Variants in APC observed in about 807,000 individuals in gnomAD.
APC encodes the protein adenomatous polyposis coli protein.
In APC, 72 loss-of-function variants were observed where a neutral mutation model predicts 247.0. The ratio of observed to expected loss-of-function variants is 0.29; its 90% CI spans 0.24 to 0.35. APC has a LOEUF of 0.35. Among genes scored for constraint, APC ranks in the 10% least tolerant of loss-of-function variants. APC has a pLI of 1.00. For synonymous variants in APC, 1,254 were observed against 1,162.5 expected (o/e 1.08, Z -1.60); for missense variants, 3,400 against 3,360.7 (o/e 1.01, Z -0.29).
At chr5:112,779,587 G>A (rs1472744066) in intron 5 of APC, among the ~76,000 whole-genome samples, 4 of 151,996 alleles carry the variant, frequency 2.6e-5, no homozygotes, top group African/African-American at 9.7e-5. Flanking sequence ...AACACTTTAT[G>A]TGGAAATACC....
In APC at chr5:112,819,272, C is replaced by T. The variant is rs137854567; in HGVS notation, c.1240C>T (p.Arg414Cys). 1,124 of 1,614,024 alleles carry T rather than the reference C, an allele frequency of 7.0e-4. 1 individual carries two copies. The highest frequency in any genetic ancestry group is 8.1e-4 in the Non-Finnish European group (952 of 1,179,966). ...IRVLHLLEQI[R>C]AYCETCWEWQ... ...AGTCCTTCATCTTTTGGAACAGATA[C>T]GCGCTTACTGTGAAACCTGTTGGGA... is the stretch of plus-strand genomic sequence containing the variant. The change falls in exon 10 of 16, where the codon CGC becomes TGC. Residue 414 changes from arginine to cysteine, a missense_variant. Arg to Cys is a radical substitution (Grantham distance 180, BLOSUM62 -3). Transcript: ENST00000257430.
chr5:112,768,591 T>C lies in APC; in HGVS notation c.422+1201T>C, dbSNP rs1471109597. 3.3e-5 allele frequency among the ~76,000 whole-genome samples: 5 copies of C among 152,010 alleles called. No homozygotes were observed. The East Asian group carries it at 9.6e-4, about 29-fold the overall frequency. Reference sequence around the variant, plus strand: ...CATAGTGATGTTTCTACACATATAATTTATTGCAATCAGGTTAGCATATCT... The same window carrying C: ...CATAGTGATGTTTCTACACATATAACTTATTGCAATCAGGTTAGCATATCT... On this transcript the variant is annotated intron_variant, in intron 4 of 15. Transcript: ENST00000257430.
intron 11 of APC, among the ~76,000 whole-genome samples, chr5:112,824,842 T>G (rs914810314): frequency 2.6e-5 from 4 of 152,168 alleles, no homozygotes; most frequent in African/African-American, 9.6e-5. Flanking sequence ...TTTACCCAAG[T>G]GTAAAATGGT....
chr5:112,795,893 A>G (rs566367130), intron 7 of APC, among the ~76,000 whole-genome samples: 2 of 152,334 alleles, frequency 1.3e-5, no homozygotes, highest in Admixed American at 6.5e-5. Flanking sequence ...CAGAGTAAAG[A>G]TGAAGGGACA....
chr5:112,737,707 G>T (rs1752486469), upstream of APC, among the ~76,000 whole-genome samples: 1 of 152,258 alleles, frequency 6.6e-6, no homozygotes, highest in Non-Finnish European at 1.5e-5. Flanking sequence ...TGTGCGGTTG[G>T]GCGGGGCCCT....
At chr5:112,744,954 T>C (rs1427162798) in intron 1 of APC, among the ~76,000 whole-genome samples, 1 of 152,170 alleles carries the variant, frequency 6.6e-6, no homozygotes, top group Non-Finnish European at 1.5e-5. Context: ...TTTTCTTAAC[T>C]CAAAAATGAG....
At chr5:112,794,996 A>C (rs1036428836) in intron 7 of APC, among the ~76,000 whole-genome samples, 2 of 152,188 alleles carry the variant, frequency 1.3e-5, no homozygotes, top group Non-Finnish European at 2.9e-5. Context: ...AGTGGAATCT[A>C]GGCATGTCAC....
chr5:112,800,605 G>A (rs578059807), intron 7 of APC, among the ~76,000 whole-genome samples: 4 of 152,008 alleles, frequency 2.6e-5, no homozygotes, highest in South Asian at 2.1e-4. Context: ...ATAAATGACC[G>A]TGAGAAATTC....
At chr5:112,718,506 C>T (rs1751304069) in intron 1 of APC, among the ~76,000 whole-genome samples, 1 of 152,230 alleles carries the variant, frequency 6.6e-6, no homozygotes, top group Non-Finnish European at 1.5e-5. Flanking sequence ...GCAGTCCTCA[C>T]CCTTGGTGGG....
intron 15 of APC, among the ~76,000 whole-genome samples, chr5:112,837,094 T>A (rs1210457102): frequency 2.6e-5 from 4 of 152,230 alleles, no homozygotes; most frequent in African/African-American, 9.7e-5. Context: ...TAAGAGCTTA[T>A]AATGTGCACT....
At chr5:112,808,069 C>G (rs1761602152) in intron 8 of APC, among the ~76,000 whole-genome samples, 1 of 152,162 alleles carries the variant, frequency 6.6e-6, no homozygotes, top group Non-Finnish European at 1.5e-5. Context: ...GCAGGAGAAT[C>G]ACTTGAATCC....
chr5:112,710,143 A>G (rs1750767585), intron 1 of APC, among the ~76,000 whole-genome samples: 1 of 152,194 alleles, frequency 6.6e-6, no homozygotes, highest in Admixed American at 6.5e-5. Context: ...CTAGTCCCCA[A>G]TCCTAAATAA....
At position 112,838,206 on chromosome 5, in the gene APC, G is replaced by A. The variant is rs948419955; in HGVS notation, c.2612G>A (p.Gly871Glu). The part of the protein sequence containing the change: ...GNYHPATENP[G>E]TSSKRGLQIS... ...TACCATCCAGCAACAGAAAATCCAG[G>A]AACTTCTTCAAAGCGAGGTTTGCAG... The change falls in exon 16 of 16, where the codon GGA (glycine) becomes GAA (glutamate). Residue 871 changes from glycine to glutamate, a missense_variant. This residue lies in a region of APC where 715 missense variants were observed against 656.6 expected (regional missense o/e 1.09). Coordinates refer to ENST00000257430, the MANE Select transcript of APC (RefSeq NM_000038.6). The A allele has an allele frequency of 1.9e-6, 3 of 1,613,800 alleles. No homozygotes were observed. The highest frequency in any genetic ancestry group is 2.5e-6 in the Non-Finnish European group (3 of 1,179,976).
At chr5:112,724,962 C>T (rs560666873) in intron 1 of APC, among the ~76,000 whole-genome samples, 2 of 152,212 alleles carry the variant, frequency 1.3e-5, no homozygotes, top group Admixed American at 1.3e-4. Flanking sequence ...TTTCTAACAG[C>T]TGGCAATTAA....
intron 1 of APC, among the ~76,000 whole-genome samples, chr5:112,726,699 C>G (rs78686493): frequency 1.3e-5 from 2 of 151,954 alleles, no homozygotes; most frequent in Non-Finnish European, 2.9e-5. Context: ...GTTTCCTGTC[C>G]GTATCATGTT....
chr5:112,751,355 T>C (rs1199695935), intron 1 of APC, among the ~76,000 whole-genome samples: 1 of 152,086 alleles, frequency 6.6e-6, no homozygotes, highest in Non-Finnish European at 1.5e-5. Context: ...TTTTTAAATG[T>C]CTAGCTGCAG....
chr5:112,812,382 C>T (rs1247006590), intron 8 of APC, among the ~76,000 whole-genome samples: 2 of 152,312 alleles, frequency 1.3e-5, no homozygotes, highest in Non-Finnish European at 1.5e-5. Flanking sequence ...CAACTATCCT[C>T]CTTAGCCTGA....
chr5:112,830,386 A>G (rs970982808), intron 14 of APC, among the ~76,000 whole-genome samples: 3 of 152,186 alleles, frequency 2.0e-5, no homozygotes, highest in African/African-American at 7.2e-5. Flanking sequence ...ATATTGGTTA[A>G]AATTTAAAAG....
rs147374195 is a variant in APC at position 112,747,643 on chromosome 5, A to G, written c.-18-7230A>G. On this transcript the variant is annotated intron_variant, in intron 1 of 15. Transcript: ENST00000257430. ...CCATTAAAGTGATAGTAAAAACAAA[A>G]TAAAGATGGGAGCTTACAATGCCAT... 2.2e-3 allele frequency among the ~76,000 whole-genome samples: 338 copies of G among 152,292 alleles called. 3 individuals carry two copies. The highest frequency in any genetic ancestry group is 7.8e-3 in the African/African-American group (323 of 41,564).
Sources: gnomAD v4.1 joint callset for allele counts (sites outside exome capture counted in the v4.1 genomes callset) on GRCh38, gnomAD v4.1.1 for gene constraint, gnomAD v4.1.1 regional missense constraint, MANE v1.5 for transcripts, NCBI Gene and HGNC (gene_info 2026-07-23, HGNC 2026-07-21) for gene names.